Variants in CADPS observed in about 807,000 individuals in gnomAD.
The protein encoded by CADPS is calcium dependent secretion activator, also known as calcium-dependent secretion activator 1.
In CADPS, 57 loss-of-function variants were observed where a neutral mutation model predicts 167.3. The observed-to-expected ratio is 0.34, with a 90% CI of 0.28 to 0.42. The LOEUF (loss-of-function observed/expected upper bound fraction) is 0.42. Ranked by LOEUF, CADPS falls within the 20% of genes least tolerant of loss-of-function variation. CADPS has a pLI of 1.00. For missense variants in CADPS, 1,414 were observed against 1,738.1 expected, an observed-to-expected ratio of 0.81 and a Z score of 3.32; for synonymous variants, 676 against 635.3, an observed-to-expected ratio of 1.06 and a Z score of -0.96.
intron 28 of CADPS, among the ~76,000 whole-genome samples, chr3:62,411,058 G>A (rs1047991615): frequency 6.6e-6 from 1 of 152,132 alleles, no homozygotes; most frequent in South Asian, 2.1e-4. Context: ...TGCTATGATT[G>A]TGCCACTGTA....
chr3:62,599,872 AT>A (rs1284507060), intron 6 of CADPS, among the ~76,000 whole-genome samples: 14 of 58,186 alleles, frequency 2.4e-4, no homozygotes, highest in African/African-American at 1.1e-3. Flanking sequence ...ATATATAATA[AT>A]ATATAATATA....
chr3:62,788,854 C>T (rs1244138245), intron 1 of CADPS, among the ~76,000 whole-genome samples: 2 of 152,138 alleles, frequency 1.3e-5, no homozygotes, highest in Admixed American at 6.5e-5. Context: ...TAAAAATAAA[C>T]TCCACTGAAC....
At chr3:62,570,283 T>C (rs570088405) in intron 9 of CADPS, among the ~76,000 whole-genome samples, 5 of 150,156 alleles carry the variant, frequency 3.3e-5, no homozygotes, top group South Asian at 2.1e-4. Flanking sequence ...ATCCTAGATA[T>C]TAAACATAGT....
At chr3:62,715,494 T>TA (rs2084338658) in intron 3 of CADPS, among the ~76,000 whole-genome samples, 1 of 150,424 alleles carries the variant, frequency 6.6e-6, no homozygotes, top group East Asian at 1.9e-4. Context: ...CATATTTTGG[T>TA]AAAAAATGTT....
At chr3:62,775,637 A>C (rs979692012) in intron 1 of CADPS, among the ~76,000 whole-genome samples, 1 of 152,204 alleles carries the variant, frequency 6.6e-6, no homozygotes, top group East Asian at 1.9e-4. Context: ...AACATCTATG[A>C]AATACCTACA....
intron 1 of CADPS, among the ~76,000 whole-genome samples, chr3:62,824,479 C>T (rs569696037): frequency 5.9e-4 from 89 of 152,020 alleles, no homozygotes; most frequent in South Asian, 2.1e-3. Flanking sequence ...TGCAGGGGAG[C>T]GAACTAATAA....
intron 3 of CADPS, among the ~76,000 whole-genome samples, chr3:62,735,218 G>A (rs1046503592): frequency 8.6e-5 from 13 of 151,988 alleles, no homozygotes; most frequent in African/African-American, 3.1e-4. Flanking sequence ...TTAATGATGA[G>A]TCAAAAAAGC....
At chr3:62,636,603 G>A (rs998920182) in intron 6 of CADPS, among the ~76,000 whole-genome samples, 3 of 152,208 alleles carry the variant, frequency 2.0e-5, no homozygotes, top group Non-Finnish European at 2.9e-5. Context: ...TTATAGTGAA[G>A]TGAGTTCCAT....
At chr3:62,666,388 T>TA (rs2074411954) in intron 3 of CADPS, among the ~76,000 whole-genome samples, 1 of 152,082 alleles carries the variant, frequency 6.6e-6, no homozygotes, top group Non-Finnish European at 1.5e-5. Context: ...ATCAAGTAAT[T>TA]ACCTTTTCAA....
At chr3:62,515,241 C>T (rs572029320) in intron 16 of CADPS, among the ~76,000 whole-genome samples, 2 of 152,026 alleles carry the variant, frequency 1.3e-5, no homozygotes, top group South Asian at 4.1e-4. Context: ...AGAATGCGGA[C>T]ACATCGAGTT....
At chr3:62,767,362 T>C (rs1559528646) in intron 1 of CADPS, among the ~76,000 whole-genome samples, 1 of 152,116 alleles carries the variant, frequency 6.6e-6, no homozygotes, top group Non-Finnish European at 1.5e-5. Context: ...TTAAATAAAT[T>C]TTATCTCGTC....
At position 62,445,907 on chromosome 3, in the gene CADPS, T is replaced by C. The variant is rs2057147761; in HGVS notation, c.3637-110A>G. On this transcript the variant is annotated intron_variant, in intron 26 of 29. Coordinates refer to ENST00000383710, the MANE Select transcript of CADPS (RefSeq NM_003716.4). ...AAAACAACATGCTGGCACATGGAGC[T>C]GACCAGGAAAAACAGAAAGGTACTA... The C allele has an allele frequency of 4.3e-6, 3 of 697,980 alleles. No individual in the cohort carries two copies. In the East Asian group the frequency reaches 9.1e-5, roughly 21 times the overall value. The allele number at this position is 697,980 out of a possible 1,614,324, so 43.2% of individuals were successfully genotyped here.
At chr3:62,755,393 C>T (rs753702646) in intron 2 of CADPS, among the ~76,000 whole-genome samples, 1 of 152,142 alleles carries the variant, frequency 6.6e-6, no homozygotes, top group East Asian at 1.9e-4. Flanking sequence ...GTGAAGCCGC[C>T]GCTTCATATT....
chr3:62,420,888 A>G lies in CADPS; in HGVS notation c.3777+17216T>C, dbSNP rs959038570. Among the ~76,000 whole-genome samples the G allele has an allele frequency of 3.0e-5, 4 of 132,894 alleles. No individual in the cohort carries two copies. The highest frequency in any genetic ancestry group is 6.3e-5 in the African/African-American group (2 of 31,708). The allele number at this position is 132,894 out of a possible 152,430, so 87.2% of individuals were successfully genotyped here. ...CACACACACACACACACACACACAC[A>G]CACACACACACACAGGCACACACAC... On this transcript the variant is annotated intron_variant, in intron 28 of 29. Transcript: ENST00000383710. The surrounding 1 kb of genome is among the most constrained non-coding windows in gnomAD (Gnocchi z 4.1).
chr3:62,676,425 C>A (rs951933712), intron 3 of CADPS, among the ~76,000 whole-genome samples: 2 of 152,062 alleles, frequency 1.3e-5, no homozygotes, highest in Non-Finnish European at 2.9e-5. Context: ...ATTATCTATG[C>A]TTTTATCATT....
intron 1 of CADPS, among the ~76,000 whole-genome samples, chr3:62,780,412 C>CA (rs1247300111): frequency 4.6e-5 from 7 of 151,064 alleles, no homozygotes; most frequent in Admixed American, 2.0e-4. Context: ...AGACACATTT[C>CA]AAAAAAATAA....
chr3:62,771,609 T>C (rs2088785236), intron 1 of CADPS, among the ~76,000 whole-genome samples: 1 of 152,146 alleles, frequency 6.6e-6, no homozygotes, highest in Non-Finnish European at 1.5e-5. Flanking sequence ...CCTCCTAAAA[T>C]AGAAGTCCAT....
intron 2 of CADPS, among the ~76,000 whole-genome samples, chr3:62,759,778 C>T (rs117315516): frequency 2.6e-5 from 4 of 152,052 alleles, no homozygotes; most frequent in Non-Finnish European, 5.9e-5. Context: ...CATGTAAATG[C>T]AGAGATTTTT....
At chr3:62,720,738 G>A (rs1385749441) in intron 3 of CADPS, among the ~76,000 whole-genome samples, 2 of 151,772 alleles carry the variant, frequency 1.3e-5, no homozygotes, top group Non-Finnish European at 2.9e-5. Context: ...AAGAGATGGG[G>A]CCTGATTCTG....
Sources: gnomAD v4.1 joint callset for allele counts (sites outside exome capture counted in the v4.1 genomes callset) on GRCh38, gnomAD v4.1.1 for gene constraint, Gnocchi (gnomAD v3.1) non-coding constraint, MANE v1.5 for transcripts, NCBI Gene and HGNC (gene_info 2026-07-23, HGNC 2026-07-21) for gene names.